GLDN: variants seen among roughly 807,000 people sequenced by gnomAD.
GLDN encodes the protein collomin.
Under a neutral mutation model 56.5 loss-of-function variants are expected in GLDN, and 47 were observed. That is an observed-to-expected ratio of 0.83 (90% confidence interval 0.66 to 1.06). The LOEUF (loss-of-function observed/expected upper bound fraction) is 1.06, where lower values mean the gene tolerates loss of function less well. Among genes scored for constraint, GLDN ranks in the 50% least tolerant of loss-of-function variants. The pLI is 0.00. For missense variants in GLDN, 782 were observed against 714.3 expected (o/e 1.09, Z -1.08); for synonymous variants, 332 against 278.8 (o/e 1.19, Z -1.90).
At chr15:51,350,996 CT>C (rs1437497867) in intron 1 of GLDN, 2 of 169,414 alleles carry the variant, frequency 1.2e-5, no homozygotes, top group African/African-American at 4.8e-5. Context: ...AGGGTAGAAC[CT>C]TCTGGGGCTT....
intron 1 of GLDN, among the ~76,000 whole-genome samples, chr15:51,349,471 A>G (rs1197557518): frequency 6.6e-6 from 1 of 152,272 alleles, no homozygotes; most frequent in East Asian, 1.9e-4. Flanking sequence ...GGTGGGGAAA[A>G]AACAAAAGAA....
intron 1 of GLDN, among the ~76,000 whole-genome samples, chr15:51,344,867 C>T (rs1014741409): frequency 8.5e-5 from 13 of 152,308 alleles, no homozygotes; most frequent in African/African-American, 3.1e-4. Context: ...ACCTGGTTGG[C>T]AGCTGTAAAT....
At chr15:51,348,508 T>C (rs2037019399) in intron 1 of GLDN, among the ~76,000 whole-genome samples, 1 of 151,856 alleles carries the variant, frequency 6.6e-6, no homozygotes, top group African/African-American at 2.4e-5. Context: ...TAAAAAAAAT[T>C]TTTTTTCTTT....
At position 51,383,846 on chromosome 15, in the gene GLDN, G is replaced by A; in HGVS notation, c.495G>A (p.Gln165=). 6.2e-7 allele frequency: 1 copy of A among 1,613,164 alleles called. No homozygotes were observed. Among genetic ancestry groups the A allele is most frequent in the Non-Finnish European group, 8.5e-7 (1 of 1,179,824 alleles). Residue 165 remains glutamine, a synonymous_variant, in exon 4 of 10, where the codon CAG becomes CAA. Transcript: ENST00000335449. ...HNGLDGQPGP[Q]GPKGEKGANG... is the part of the protein sequence containing the mutation. ...GATTGGATGGACAGCCTGGTCCTCA[G>A]GGCCCAAAAGGAGAAAAAGGAGCAA...
intron 1 of GLDN, among the ~76,000 whole-genome samples, chr15:51,345,160 C>G (rs2036955797): frequency 6.6e-6 from 1 of 152,124 alleles, no homozygotes; most frequent in Non-Finnish European, 1.5e-5. Flanking sequence ...TGTTCTCTTC[C>G]CATCAGCTAC....
intron 1 of GLDN, among the ~76,000 whole-genome samples, chr15:51,354,703 A>T (rs574887747): frequency 6.6e-6 from 1 of 152,294 alleles, no homozygotes; most frequent in South Asian, 2.1e-4. Context: ...GAAGGGAACT[A>T]AGGTTGGCTG....
chr15:51,368,226 G>T (rs902909663), intron 1 of GLDN, among the ~76,000 whole-genome samples: 1 of 152,122 alleles, frequency 6.6e-6, no homozygotes, highest in Non-Finnish European at 1.5e-5. Context: ...AAAGGGAATG[G>T]ATAAGTGAAT....
At chr15:51,378,654 GT>G (rs1192625733) in intron 2 of GLDN, among the ~76,000 whole-genome samples, 2 of 152,212 alleles carry the variant, frequency 1.3e-5, no homozygotes, top group East Asian at 3.8e-4. Flanking sequence ...GGTTGAGTAG[GT>G]TTTTCTTTAG....
chr15:51,411,822 C>A (rs1419357278), downstream of GLDN, among the ~76,000 whole-genome samples: 7 of 152,118 alleles, frequency 4.6e-5, no homozygotes, highest in Non-Finnish European at 8.8e-5. Context: ...AGGTAGTGGG[C>A]CAGATCTAAC....
At chr15:51,382,011 A>C (rs2037773270) in intron 2 of GLDN, among the ~76,000 whole-genome samples, 2 of 152,020 alleles carry the variant, frequency 1.3e-5, no homozygotes, top group Non-Finnish European at 2.9e-5. Flanking sequence ...CACCATACCC[A>C]GGTCCTTCTT....
intron 8 of GLDN, 129 bp downstream of exon 8, chr15:51,400,627 AT>A: frequency 9.4e-7 from 1 of 1,065,760 alleles, no homozygotes; most frequent in Non-Finnish European, 1.4e-6. Flanking sequence ...ATGTCTCTTT[AT>A]TTTAGAAAGA....
intron 1 of GLDN, among the ~76,000 whole-genome samples, chr15:51,374,096 C>T (rs902439937): frequency 5.3e-5 from 8 of 152,126 alleles, no homozygotes; most frequent in African/African-American, 1.9e-4. Context: ...TGGTAAATAT[C>T]TCAATTGACA....
At chr15:51,386,521 G>A (rs1287167630) in intron 4 of GLDN, among the ~76,000 whole-genome samples, 2 of 152,230 alleles carry the variant, frequency 1.3e-5, no homozygotes, top group Non-Finnish European at 2.9e-5. Flanking sequence ...GAGGGCAACA[G>A]GGTTCCTTCT....
intron 1 of GLDN, among the ~76,000 whole-genome samples, chr15:51,349,908 T>G (rs2037045100): frequency 6.6e-6 from 1 of 151,864 alleles, no homozygotes. Context: ...CCCAGCTAAT[T>G]TTTTGTGTGT....
chr15:51,381,238 G>C (rs947166780), intron 2 of GLDN, among the ~76,000 whole-genome samples: 1 of 152,176 alleles, frequency 6.6e-6, no homozygotes, highest in African/African-American at 2.4e-5. Flanking sequence ...TCAGACTGTC[G>C]TGAGAACTTT....
downstream of GLDN, among the ~76,000 whole-genome samples, chr15:51,408,239 C>T (rs1324988714): frequency 6.6e-6 from 1 of 152,106 alleles, no homozygotes; most frequent in Non-Finnish European, 1.5e-5. Context: ...TATACGTAGA[C>T]ATAAATGCAA....
At chr15:51,390,105 C>CA (rs2037985422) in intron 4 of GLDN, among the ~76,000 whole-genome samples, 1 of 152,176 alleles carries the variant, frequency 6.6e-6, no homozygotes, top group Non-Finnish European at 1.5e-5. Flanking sequence ...AGCTGTATGC[C>CA]CCTGGGCAAG....
chr15:51,367,140 G>A lies in GLDN; in HGVS notation c.364-10309G>A, dbSNP rs527799947. Among the ~76,000 whole-genome samples, 26 of 152,278 alleles carry A rather than the reference G, an allele frequency of 1.7e-4. 1 individual carries two copies. The highest frequency in any genetic ancestry group is 5.5e-4 in the African/African-American group (23 of 41,560). On this transcript the variant is annotated intron_variant, in intron 1 of 9. Coordinates refer to ENST00000335449, the MANE Select transcript of GLDN (RefSeq NM_181789.4). ...AAGAAGAACCTCCTAGGCCATCTGC[G>A]GCCTCTGCTGGCTTATCCAGCCTTC...
chr15:51,390,855 C>A (rs1469487533), intron 4 of GLDN, among the ~76,000 whole-genome samples: 1 of 152,138 alleles, frequency 6.6e-6, no homozygotes, highest in East Asian at 1.9e-4. Context: ...CAGAATGTGC[C>A]AACTCAAAGC....
Sources: allele counts gnomAD v4.1 joint callset (sites outside exome capture counted in the v4.1 genomes callset), GRCh38; gene constraint gnomAD v4.1.1; transcripts MANE v1.5; gene names NCBI Gene and HGNC (gene_info 2026-07-23, HGNC 2026-07-21).